Variants in DLGAP1 observed in about 807,000 individuals in gnomAD.
DLGAP1 encodes the protein disks large-associated protein 1.
A neutral mutation model predicts 90.8 loss-of-function variants in DLGAP1; 11 were observed. The observed-to-expected ratio is 0.12, with a 90% CI of 0.08 to 0.20. The LOEUF (loss-of-function observed/expected upper bound fraction) is 0.20, where lower values mean the gene tolerates loss of function less well. Ranked by LOEUF, DLGAP1 falls within the 10% of genes least tolerant of loss-of-function variation. DLGAP1 has a pLI of 1.00. For synonymous variants in DLGAP1, 558 were observed against 540.7 expected (o/e 1.03, Z -0.44); for missense variants, 1,050 against 1,333.8 (o/e 0.79, Z 3.31).
At chr18:4,032,655 TCACATCGTTTGGACA>T (rs895423236) in intron 2 of DLGAP1, among the ~76,000 whole-genome samples, 1 of 152,198 alleles carries the variant, frequency 6.6e-6, no homozygotes, top group African/African-American at 2.4e-5. Context: ...GATGATCATG[TCACATCGTTTGGACA>T]CAAGTCACTT....
At chr18:4,303,798 G>T (rs747777703) in intron 1 of DLGAP1, among the ~76,000 whole-genome samples, 3 of 152,168 alleles carry the variant, frequency 2.0e-5, no homozygotes, top group Non-Finnish European at 2.9e-5. Context: ...TTAGTTGAGT[G>T]TATCTGAAGT....
intron 1 of DLGAP1, among the ~76,000 whole-genome samples, chr18:4,396,072 G>GA (rs1399210075): frequency 6.6e-6 from 1 of 152,216 alleles, no homozygotes; most frequent in African/African-American, 2.4e-5. Flanking sequence ...GGGAAAGCTA[G>GA]AGTAATTGGC....
intron 7 of DLGAP1, among the ~76,000 whole-genome samples, chr18:3,613,274 G>GA (rs999642159): frequency 3.3e-4 from 50 of 151,168 alleles, no homozygotes; most frequent in African/African-American, 1.0e-3. Context: ...CCCTTCTCAG[G>GA]AAAAAAAAAG....
chr18:3,717,708 C>T (rs1275331382), intron 7 of DLGAP1, among the ~76,000 whole-genome samples: 2 of 152,158 alleles, frequency 1.3e-5, no homozygotes, highest in Non-Finnish European at 2.9e-5. Context: ...ACTGGAGCAG[C>T]AAATTTCCAG....
chr18:4,289,131 T>C (rs932858203), intron 1 of DLGAP1, among the ~76,000 whole-genome samples: 5 of 152,176 alleles, frequency 3.3e-5, no homozygotes, highest in African/African-American at 1.2e-4. Context: ...CAGAGCCTTC[T>C]GAGGGCAAGC....
chr18:4,239,536 C>T (rs2078486093), intron 1 of DLGAP1, among the ~76,000 whole-genome samples: 1 of 152,014 alleles, frequency 6.6e-6, no homozygotes, highest in Non-Finnish European at 1.5e-5. Context: ...TTGATTTCTT[C>T]TTTTTTTCGT....
intron 7 of DLGAP1, among the ~76,000 whole-genome samples, chr18:3,702,824 A>C (rs1243358719): frequency 6.6e-6 from 1 of 152,174 alleles, no homozygotes; most frequent in East Asian, 1.9e-4. Flanking sequence ...GGAGAATGAC[A>C]GGCTCGCTCC....
chr18:3,635,543 T>A (rs1344911946), intron 7 of DLGAP1, among the ~76,000 whole-genome samples: 2 of 151,550 alleles, frequency 1.3e-5, no homozygotes, highest in East Asian at 4.0e-4. Context: ...TGTGACTAGC[T>A]GAGGACAACC....
chr18:3,917,482 C>T (rs77040798), intron 3 of DLGAP1, among the ~76,000 whole-genome samples: 1 of 152,126 alleles, frequency 6.6e-6, no homozygotes, highest in African/African-American at 2.4e-5. Context: ...GTTCTCATTT[C>T]TGGAGGAGTC....
In DLGAP1 at chr18:3,546,037, C is replaced by T. The variant is rs570771531; in HGVS notation, c.2058-11422G>A. Among the ~76,000 whole-genome samples the T allele has an allele frequency of 3.3e-5, 5 of 152,108 alleles. No homozygotes were observed. In the East Asian group the frequency reaches 5.8e-4, roughly 18 times the overall value. ...GTCAGATATTTCAACAATACTTTCT[C>T]GATAATAGATTAAAAAACATCTAGA... is the stretch of plus-strand genomic sequence containing the variant. On this transcript the variant is annotated intron_variant, in intron 9 of 12. Transcript: ENST00000315677.
intron 1 of DLGAP1, among the ~76,000 whole-genome samples, chr18:4,185,835 T>A (rs573479236): frequency 8.5e-5 from 13 of 152,204 alleles, no homozygotes; most frequent in African/African-American, 3.1e-4. Flanking sequence ...GGTAGTTCTG[T>A]TTTTAGCTCT....
chr18:3,959,038 C>G (rs1234546977), intron 3 of DLGAP1, among the ~76,000 whole-genome samples: 1 of 152,174 alleles, frequency 6.6e-6, no homozygotes, highest in Non-Finnish European at 1.5e-5. Flanking sequence ...TGTGTCCAAC[C>G]TAGTTGAAAG....
intron 7 of DLGAP1, among the ~76,000 whole-genome samples, chr18:3,725,550 C>T (rs894575721): frequency 1.3e-5 from 2 of 152,058 alleles, no homozygotes; most frequent in African/African-American, 2.4e-5. Context: ...ACTTTCCTAC[C>T]CTGATATTCC....
intron 3 of DLGAP1, among the ~76,000 whole-genome samples, chr18:3,935,231 C>T (rs1437968518): frequency 6.6e-6 from 1 of 152,122 alleles, no homozygotes; most frequent in Non-Finnish European, 1.5e-5. Flanking sequence ...TTTATGGGTG[C>T]TTGGAGATTT....
intron 4 of DLGAP1, chr18:3,874,019 CCA>C: frequency 6.8e-7 from 1 of 1,461,076 alleles, no homozygotes; most frequent in Non-Finnish European, 9.1e-7. Flanking sequence ...GTCAGCTCTT[CCA>C]GTCTTTCTAG....
At chr18:4,030,125 T>TGG (rs2074771755) in intron 2 of DLGAP1, among the ~76,000 whole-genome samples, 1 of 152,200 alleles carries the variant, frequency 6.6e-6, no homozygotes, top group African/African-American at 2.4e-5. Context: ...CCCAAATAGC[T>TGG]GATCTCACAG....
At chr18:3,585,087 A>G (rs1158704238) in intron 7 of DLGAP1, among the ~76,000 whole-genome samples, 6 of 152,114 alleles carry the variant, frequency 3.9e-5, no homozygotes, top group South Asian at 2.1e-4. Context: ...CAGCTCAACA[A>G]TAAGTGTCGA....
chr18:3,576,111 A>G (rs1279087150), intron 8 of DLGAP1, among the ~76,000 whole-genome samples: 1 of 152,134 alleles, frequency 6.6e-6, no homozygotes, highest in Non-Finnish European at 1.5e-5. Flanking sequence ...AGGACTCCCA[A>G]ACTACATTTC....
At chr18:4,162,124 C>T (rs1246897050) in intron 1 of DLGAP1, among the ~76,000 whole-genome samples, 1 of 152,178 alleles carries the variant, frequency 6.6e-6, no homozygotes, top group African/African-American at 2.4e-5. Flanking sequence ...AAGATTCCTG[C>T]ACCCCTGGAG....
Sources: gnomAD v4.1 joint callset for allele counts (sites outside exome capture counted in the v4.1 genomes callset) on GRCh38, gnomAD v4.1.1 for gene constraint, MANE v1.5 for transcripts, NCBI Gene and HGNC (gene_info 2026-07-23, HGNC 2026-07-21) for gene names.